UBE4B: variants seen among roughly 807,000 people sequenced by gnomAD.
The protein encoded by UBE4B is ubiquitination factor E4B, also known as ubiquitin conjugation factor E4 B.
Under a neutral mutation model 148.1 loss-of-function variants are expected in UBE4B, and 27 were observed. That is an observed-to-expected ratio of 0.18 (90% CI 0.13 to 0.25). The LOEUF is 0.25. Among genes scored for constraint, UBE4B ranks in the 10% least tolerant of loss-of-function variants. The probability of loss-of-function intolerance (pLI) is 1.00; values close to 1 mark genes in which losing one functional copy is unlikely to be tolerated. For synonymous variants in UBE4B, 596 were observed against 619.3 expected, an observed-to-expected ratio of 0.96 and a Z score of 0.56; for missense variants, 1,170 against 1,662.4, an observed-to-expected ratio of 0.70 and a Z score of 5.15.
chr1:10,176,125 C>T (rs1646426292), intron 25 of UBE4B, among the ~76,000 whole-genome samples: 1 of 152,154 alleles, frequency 6.6e-6, no homozygotes, highest in Admixed American at 6.5e-5. Flanking sequence ...GTCTGGCTTC[C>T]TTCACTTAGC....
chr1:10,143,601 G>T lies in UBE4B; in HGVS notation c.2364-1339G>T, dbSNP rs114762967. ...TAATCACATCTACAACGTCCCTTTC[G>T]CCATGGGAGATCACATGTTCACAGG... On this transcript the variant is annotated intron_variant, in intron 17 of 27. Coordinates refer to ENST00000343090, the MANE Select transcript of UBE4B (RefSeq NM_001105562.3). 7.5e-3 allele frequency among the ~76,000 whole-genome samples: 1,143 copies of T among 152,072 alleles called. 14 individuals are homozygous for T. The highest frequency in any genetic ancestry group is 0.026 in the African/African-American group (1,092 of 41,478).
intron 1 of UBE4B, among the ~76,000 whole-genome samples, chr1:10,055,037 C>T (rs182399459): frequency 1.2e-4 from 19 of 152,100 alleles, no homozygotes; most frequent in African/African-American, 4.1e-4. Flanking sequence ...CCACCTGCCT[C>T]GGCCTCCCAA....
intron 1 of UBE4B, among the ~76,000 whole-genome samples, chr1:10,045,164 C>T (rs1006593442): frequency 1.1e-4 from 16 of 152,148 alleles, no homozygotes; most frequent in Non-Finnish European, 1.6e-4. Context: ...GGTAGTAATG[C>T]GAGTGATGGG....
At chr1:10,060,317 C>T (rs1644259965) in intron 1 of UBE4B, among the ~76,000 whole-genome samples, 1 of 152,138 alleles carries the variant, frequency 6.6e-6, no homozygotes, top group Non-Finnish European at 1.5e-5. Flanking sequence ...AGGTATTGCT[C>T]CTGGGCTACA....
At chr1:10,039,575 G>A (rs1338989870) in intron 1 of UBE4B, among the ~76,000 whole-genome samples, 1 of 151,294 alleles carries the variant, frequency 6.6e-6, no homozygotes, top group Non-Finnish European at 1.5e-5. Context: ...GATTACAGGT[G>A]CATGCCACCA....
chr1:10,040,344 G>A (rs1023593065), intron 1 of UBE4B, among the ~76,000 whole-genome samples: 1 of 151,908 alleles, frequency 6.6e-6, no homozygotes, highest in African/African-American at 2.4e-5. Context: ...TCCAGACCTT[G>A]GTGATCCGCC....
intron 2 of UBE4B, among the ~76,000 whole-genome samples, chr1:10,091,790 A>G (rs896185385): frequency 6.6e-6 from 1 of 152,114 alleles, no homozygotes; most frequent in South Asian, 2.1e-4. Context: ...ATTTTAGTAG[A>G]AACAGGGTTT....
intron 8 of UBE4B, among the ~76,000 whole-genome samples, chr1:10,118,841 GGGTTTCACCATGTTGGC>G (rs1365512940): frequency 7.0e-6 from 1 of 143,590 alleles, no homozygotes. Flanking sequence ...AGTGGAGATG[GGGTTTCACCATGTTGGC>G]CAGGCTGGTC....
chr1:10,164,152 C>T (rs1557609999), intron 23 of UBE4B, among the ~76,000 whole-genome samples: 1 of 152,090 alleles, frequency 6.6e-6, no homozygotes, highest in South Asian at 2.1e-4. Flanking sequence ...ACCAGCCTGG[C>T]CAACATGGTG....
rs112077178 is a variant in UBE4B at position 10,155,064 on chromosome 1, GGA to G, written c.2927-3272_2927-3271del. 5.6e-3 allele frequency among the ~76,000 whole-genome samples: 842 copies of G among 149,172 alleles called. 11 individuals are homozygous for G. Among genetic ancestry groups the G allele is most frequent in the African/African-American group, 0.018 (713 of 40,188 alleles). On this transcript the variant is annotated intron_variant, in intron 21 of 27. Transcript: ENST00000343090. Reference sequence around the variant, plus strand: ...TTCTGGGCCTGTCACTGTGGCTTCAGGAGAGAGAGAGAGAGAGAGAGTGTGTG... The same window carrying G: ...TTCTGGGCCTGTCACTGTGGCTTCAGGAGAGAGAGAGAGAGAGAGTGTGTG...
At chr1:10,167,429 C>T (rs1162964551) in intron 23 of UBE4B, among the ~76,000 whole-genome samples, 2 of 137,398 alleles carry the variant, frequency 1.5e-5, no homozygotes, top group South Asian at 2.1e-4. Context: ...ACAAGCGAAA[C>T]TCCGTCTCAA....
intron 1 of UBE4B, among the ~76,000 whole-genome samples, chr1:10,046,457 G>A (rs1358278250): frequency 1.3e-5 from 2 of 152,156 alleles, no homozygotes; most frequent in Non-Finnish European, 2.9e-5. Flanking sequence ...TAGGATAATG[G>A]AAGTAGAAAG....
chr1:10,033,520 A>AT lies in UBE4B; in HGVS notation c.-145dup. On this transcript the variant is annotated 5_prime_UTR_variant, in exon 1 of 28. Coordinates refer to ENST00000343090, the MANE Select transcript of UBE4B (RefSeq NM_001105562.3). Reference sequence around the variant, plus strand: ...GCAGTTTAGTGCCTCTCGTGTTCTTATTTTTTAACCTCTGACTATGCAATT... The same window carrying AT: ...GCAGTTTAGTGCCTCTCGTGTTCTTATTTTTTTAACCTCTGACTATGCAATT... 2.1e-6 allele frequency: 2 copies of AT among 934,370 alleles called. No individual in the cohort carries two copies. Among genetic ancestry groups the AT allele is most frequent in the Non-Finnish European group, 3.0e-6 (2 of 675,030 alleles). The allele number at this position is 934,370 out of a possible 1,614,324, so 57.9% of individuals were successfully genotyped here.
chr1:10,142,100 C>T (rs1007351271), intron 17 of UBE4B, among the ~76,000 whole-genome samples: 2 of 151,928 alleles, frequency 1.3e-5, no homozygotes, highest in Admixed American at 1.3e-4. Flanking sequence ...TCCACATCCT[C>T]ATTCCAGATC....
rs751619199 is a variant in UBE4B, at chr1:10,130,451, C to T, written c.1696-49C>T. Reference sequence around the variant, plus strand: ...TGGAGAGTTTTCATTACATTTTTACCCCACCGGCCTGTTCAGCGGCTTGAC... The same window carrying T: ...TGGAGAGTTTTCATTACATTTTTACTCCACCGGCCTGTTCAGCGGCTTGAC... On this transcript the variant is annotated intron_variant, in intron 12 of 27. Coordinates refer to ENST00000343090, the MANE Select transcript of UBE4B (RefSeq NM_001105562.3). The T allele has an allele frequency of 2.8e-6, 4 of 1,453,960 alleles. No individual in the cohort carries two copies. In the South Asian group the frequency reaches 3.5e-5, roughly 13 times the overall value. The allele number at this position is 1,453,960 out of a possible 1,614,324, so 90.1% of individuals were successfully genotyped here.
chr1:10,118,868 CTTTTTTTTTTTTTTTTT>C (rs35822677), intron 8 of UBE4B, among the ~76,000 whole-genome samples: 5 of 23,088 alleles, frequency 2.2e-4, no homozygotes, highest in East Asian at 2.6e-3. Context: ...CCAGGCTGGT[CTTTTTTTTTTTTTTTTT>C]TTTTTTTTTT....
At chr1:10,172,065 A>G (rs1646347237) in intron 25 of UBE4B, among the ~76,000 whole-genome samples, 1 of 152,272 alleles carries the variant, frequency 6.6e-6, no homozygotes, top group Middle Eastern at 3.4e-3. Context: ...GTCTCCTGCT[A>G]GAGTGCTGTT....
In UBE4B at chr1:10,179,399, T is replaced by C; in HGVS notation, c.3701-17T>C. ...GGCTCTCAGTAGATTAGAGTTTGCT[T>C]TGCTTTGTCCCCGCAGACCCTCTGA... is the stretch of plus-strand genomic sequence containing the variant. On this transcript the variant is annotated splice_polypyrimidine_tract_variant and intron_variant, in intron 26 of 27. Coordinates refer to ENST00000343090, the MANE Select transcript of UBE4B (RefSeq NM_001105562.3). The C allele has an allele frequency of 6.2e-7, 1 of 1,612,166 alleles. No homozygotes were observed. Among genetic ancestry groups the C allele is most frequent in the Non-Finnish European group, 8.5e-7 (1 of 1,179,070 alleles).
chr1:10,090,233 C>A (rs564713816), intron 2 of UBE4B, among the ~76,000 whole-genome samples: 1 of 152,078 alleles, frequency 6.6e-6, no homozygotes, highest in Non-Finnish European at 1.5e-5. Context: ...GACCCACCCC[C>A]CTCAGCTTCC....
Sources: gnomAD v4.1 joint callset for allele counts (sites outside exome capture counted in the v4.1 genomes callset) on GRCh38, gnomAD v4.1.1 for gene constraint, MANE v1.5 for transcripts, NCBI Gene and HGNC (gene_info 2026-07-23, HGNC 2026-07-21) for gene names.